TTC29: variants seen among roughly 807,000 people sequenced by gnomAD.
TTC29 encodes the protein tetratricopeptide repeat domain 29.
Under a neutral mutation model 58.1 loss-of-function variants are expected in TTC29, and 49 were observed. The ratio of observed to expected loss-of-function variants is 0.84; its 90% CI spans 0.67 to 1.07. TTC29 has a LOEUF of 1.07. Ranked by LOEUF, TTC29 falls within the 50% of genes least tolerant of loss-of-function variation. TTC29 has a pLI of 0.00. For synonymous variants in TTC29, 209 were observed against 196.8 expected (o/e 1.06, Z -0.52); for missense variants, 582 against 555.6 (o/e 1.05, Z -0.48).
intron 10 of TTC29, among the ~76,000 whole-genome samples, chr4:146,807,171 A>G (rs1374826554): frequency 6.6e-6 from 1 of 152,244 alleles, no homozygotes. Context: ...GCAGAAATAA[A>G]TAAGTTCTTT....
At chr4:146,820,372 GT>G in intron 9 of TTC29, 124 bp from the exon 10 acceptor site, 1 of 1,079,272 alleles carries the variant, frequency 9.3e-7, no homozygotes, top group Non-Finnish European at 1.3e-6. Context: ...AAGATTTAAT[GT>G]GTAAATACCA....
chr4:146,751,367 C>T (rs1296124626), intron 11 of TTC29, among the ~76,000 whole-genome samples: 1 of 152,160 alleles, frequency 6.6e-6, no homozygotes, highest in East Asian at 1.9e-4. Flanking sequence ...AATGGACTTA[C>T]AAACATATAC....
At chr4:146,711,277 A>G (rs1160416857) in intron 11 of TTC29, among the ~76,000 whole-genome samples, 3 of 152,258 alleles carry the variant, frequency 2.0e-5, no homozygotes, top group Admixed American at 6.5e-5. Context: ...AAACACAGAG[A>G]GCATGATATG....
At chr4:146,844,839 G>A (rs999301402) in intron 8 of TTC29, among the ~76,000 whole-genome samples, 3 of 152,190 alleles carry the variant, frequency 2.0e-5, no homozygotes, top group African/African-American at 7.2e-5. Context: ...AAAGCAATTA[G>A]TTTAGTGCCA....
rs544666958 is a variant in TTC29 at position 146,808,159 on chromosome 4, T to G, written c.1102-4474A>C. ...AAAACCACATGATTATCACAATAGA[T>G]GCAGAAAAGGCCTTCGATAAAATTA... On this transcript the variant is annotated intron_variant, in intron 10 of 12. Transcript: ENST00000325106. Among the ~76,000 whole-genome samples, 16 of 152,258 alleles carry G rather than the reference T, an allele frequency of 1.1e-4. No individual in the cohort carries two copies. In the East Asian group the frequency reaches 2.9e-3, roughly 28 times the overall value.
intron 6 of TTC29, among the ~76,000 whole-genome samples, chr4:146,892,269 G>A (rs1317156155): frequency 6.6e-6 from 1 of 152,068 alleles, no homozygotes; most frequent in Non-Finnish European, 1.5e-5. Flanking sequence ...ATGATTGTGA[G>A]TTTCCTGAGG....
At chr4:146,761,656 C>T (rs1746908884) in intron 11 of TTC29, among the ~76,000 whole-genome samples, 2 of 148,738 alleles carry the variant, frequency 1.3e-5, no homozygotes, top group African/African-American at 2.5e-5. Context: ...GAGTAGTTTC[C>T]CTAAACAGAG....
intron 11 of TTC29, among the ~76,000 whole-genome samples, chr4:146,763,040 G>C (rs1302350828): frequency 6.6e-6 from 1 of 152,022 alleles, no homozygotes; most frequent in East Asian, 1.9e-4. Context: ...CACCTGTTTG[G>C]TTATTCTAAA....
chr4:146,817,081 G>A (rs967994553), intron 10 of TTC29, among the ~76,000 whole-genome samples: 1 of 152,140 alleles, frequency 6.6e-6, no homozygotes, highest in African/African-American at 2.4e-5. Flanking sequence ...GTTCTGGCCA[G>A]GGCAATTAGG....
At chr4:146,937,419 T>C (rs1735928387) in intron 4 of TTC29, among the ~76,000 whole-genome samples, 175 bp downstream of exon 4, 1 of 152,040 alleles carries the variant, frequency 6.6e-6, no homozygotes, top group South Asian at 2.1e-4. Flanking sequence ...AATTAAAGAC[T>C]TTGATATGTG....
chr4:146,879,267 G>C (rs1352070600), intron 6 of TTC29, among the ~76,000 whole-genome samples: 2 of 152,132 alleles, frequency 1.3e-5, no homozygotes, highest in Non-Finnish European at 2.9e-5. Flanking sequence ...ATATGCCCAT[G>C]CTATGAAGAG....
chr4:146,870,242 A>G (rs1730843609), intron 7 of TTC29, among the ~76,000 whole-genome samples: 1 of 152,110 alleles, frequency 6.6e-6, no homozygotes, highest in Non-Finnish European at 1.5e-5. Flanking sequence ...TGGAAATTAA[A>G]AATTATCCTA....
At chr4:146,908,399 G>A (rs1414489235) in intron 5 of TTC29, among the ~76,000 whole-genome samples, 2 of 152,070 alleles carry the variant, frequency 1.3e-5, no homozygotes, top group African/African-American at 4.8e-5. Flanking sequence ...TATAATTAGT[G>A]TAGAAATGAA....
At chr4:146,942,485 A>G in intron 2 of TTC29, 2 of 562,958 alleles carry the variant, frequency 3.6e-6, no homozygotes, top group Non-Finnish European at 2.9e-6. Flanking sequence ...AGAACTTACT[A>G]AATGGCAGCA....
chr4:146,866,339 G>C (rs112435425), intron 8 of TTC29, among the ~76,000 whole-genome samples: 66 of 152,228 alleles, frequency 4.3e-4, no homozygotes, highest in African/African-American at 1.6e-3. Flanking sequence ...GAGTGTGTAC[G>C]CATGTGTGCA....
chr4:146,818,436 A>T (rs999397922), intron 10 of TTC29, among the ~76,000 whole-genome samples: 15 of 152,184 alleles, frequency 9.9e-5, no homozygotes, highest in Non-Finnish European at 1.3e-4. Flanking sequence ...AGGAAACAAC[A>T]GGTGCTGGAG....
At chr4:146,724,125 G>A (rs1401683748) in intron 11 of TTC29, among the ~76,000 whole-genome samples, 4 of 152,196 alleles carry the variant, frequency 2.6e-5, no homozygotes, top group Non-Finnish European at 5.9e-5. Flanking sequence ...TGCAGGAACA[G>A]AAAACCAAAT....
At chr4:146,903,759 C>T in intron 5 of TTC29, 30 bp from the exon 6 acceptor site, 2 of 1,483,594 alleles carry the variant, frequency 1.3e-6, no homozygotes, top group Non-Finnish European at 1.8e-6. Context: ...CCATGAATGG[C>T]ATTAGAAAGA....
At chr4:146,798,617 A>G (rs1453456142) in intron 11 of TTC29, among the ~76,000 whole-genome samples, 2 of 152,066 alleles carry the variant, frequency 1.3e-5, no homozygotes, top group East Asian at 3.9e-4. Context: ...CGGGCTAGGC[A>G]TGGTGGCTCA....
Sources: gnomAD v4.1 joint callset for allele counts (sites outside exome capture counted in the v4.1 genomes callset) on GRCh38, gnomAD v4.1.1 for gene constraint, MANE v1.5 for transcripts, NCBI Gene and HGNC (gene_info 2026-07-23, HGNC 2026-07-21) for gene names.